UTP11: variants seen among roughly 807,000 people sequenced by gnomAD.
The protein encoded by UTP11 is UTP11 small subunit processome component.
In UTP11, 29 loss-of-function variants were observed where a neutral mutation model predicts 39.0. The observed-to-expected ratio is 0.74, with a 90% confidence interval of 0.55 to 1.01. The LOEUF (loss-of-function observed/expected upper bound fraction) is 1.01. UTP11 is among the 50% of genes least tolerant of loss of function. The probability of loss-of-function intolerance (pLI) is 0.00; values close to 1 mark genes in which losing one functional copy is unlikely to be tolerated. For missense variants in UTP11, 281 were observed against 306.0 expected (o/e 0.92, Z 0.61); for synonymous variants, 111 against 105.0 (o/e 1.06, Z -0.35).
intron 3 of UTP11, among the ~76,000 whole-genome samples, 191 bp from the exon 4 acceptor site, chr1:38,018,273 G>A (rs138533256): frequency 0.043 from 6,489 of 152,142 alleles, 184 homozygotes; most frequent in Middle Eastern, 0.071. Context: ...GTTTCACCAT[G>A]TTGGTCAGGC....
At chr1:38,015,475 A>C (rs999146586) in intron 1 of UTP11, among the ~76,000 whole-genome samples, 7 of 152,188 alleles carry the variant, frequency 4.6e-5, no homozygotes, top group African/African-American at 1.7e-4. Flanking sequence ...TCTTGGGCAT[A>C]TCATTCTCTA....
rs1557771443 is a variant in UTP11 at position 38,023,535 on chromosome 1, T to C, written c.679-10T>C. 7 of 1,605,748 alleles carry C rather than the reference T, an allele frequency of 4.4e-6. No homozygotes were observed. Among genetic ancestry groups the C allele is most frequent in the Non-Finnish European group, 5.9e-6 (7 of 1,176,956 alleles). The stretch of plus-strand genomic sequence containing the variant: ...TTCTCTTTACTGATCACCTTTTTAC[T>C]CTTTTGTAGGATAAAACTCAGAAAG... On this transcript the variant is annotated splice_polypyrimidine_tract_variant and intron_variant, in intron 7 of 7. Transcript: ENST00000373014.
chr1:38,022,705 G>A lies in UTP11; in HGVS notation c.574G>A (p.Ala192Thr). ...VTNQTGLKRI[A>T]KERQKQYNCL... ...GTGTGTGTTTCTTCTCCAGCGAATA[G>A]CTAAAGAAAGGCAAAAGCAGTATAA... Residue 192 changes from alanine to threonine, a missense_variant, in exon 7 of 8, where the codon GCT becomes ACT. Coordinates refer to ENST00000373014, the MANE Select transcript of UTP11 (RefSeq NM_016037.4). 3.1e-6 allele frequency: 5 copies of A among 1,612,542 alleles called. No individual in the cohort carries two copies. The highest frequency in any genetic ancestry group is 4.2e-6 in the Non-Finnish European group (5 of 1,178,710).
intron 1 of UTP11, among the ~76,000 whole-genome samples, chr1:38,014,227 G>GGCTTTCAGAGCT (rs1477953282): frequency 1.3e-5 from 2 of 152,214 alleles, no homozygotes; most frequent in Non-Finnish European, 1.5e-5. Context: ...GAAGACAGAG[G>GGCTTTCAGAGCT]GCTTTCAGAG....
chr1:38,019,441 TTG>T, intron 6 of UTP11, 58 bp downstream of exon 6: 9 of 1,372,662 alleles, frequency 6.6e-6, no homozygotes, highest in South Asian at 1.8e-5. Flanking sequence ...TGTTTTTTTT[TTG>T]TTTTTTTTTT....
Position 38,019,104 on chromosome 1 carries a change from G to A in UTP11, c.388G>A (p.Gly130Arg), listed in dbSNP as rs1048049281. Residue 130 changes from glycine (G) to arginine (R), a missense_variant, in exon 5 of 8, where the codon GGG (glycine) becomes AGG (arginine). Physicochemically the swap from Gly to Arg is moderately radical, Grantham distance 125. Transcript: ENST00000373014. ...AGAGCTCCATCTGCTGGATTTCCAG[G>A]GGAAGCAACAGAACAAGCATGTGTT... ...KSELHLLDFQGKQQNKHVFFF... is the reference protein window; with the variant it reads ...KSELHLLDFQRKQQNKHVFFF... 4.3e-6 allele frequency: 7 copies of A among 1,613,930 alleles called. No individual in the cohort carries two copies. Among genetic ancestry groups the A allele is most frequent in the Non-Finnish European group, 5.1e-6 (6 of 1,179,976 alleles).
At chr1:38,013,274 CTG>C (rs750489742) in intron 1 of UTP11, among the ~76,000 whole-genome samples, 1 of 152,238 alleles carries the variant, frequency 6.6e-6, no homozygotes, top group African/African-American at 2.4e-5. Flanking sequence ...ACCGAAGAGA[CTG>C]TGGTTACTAA....
Position 38,018,525 on chromosome 1 carries a change from T to C in UTP11, c.290T>C (p.Met97Thr). 6.2e-7 allele frequency: 1 copy of C among 1,613,958 alleles called. No homozygotes were observed. Among genetic ancestry groups the C allele is most frequent in the Non-Finnish European group, 8.5e-7 (1 of 1,179,926 alleles). Residue 97 changes from methionine to threonine, a missense_variant, in exon 4 of 8, where the codon ATG (methionine) becomes ACG (threonine). By Grantham distance (81) the Met-to-Thr change is moderately conservative (BLOSUM62 -1). Transcript: ENST00000373014. ...GTAACCCCAGAACAACTAAAGCTGATGAGAACTCAGGACGTCAAATATATA... is the reference window on the plus strand; with the variant it reads ...GTAACCCCAGAACAACTAAAGCTGACGAGAACTCAGGACGTCAAATATATA... ...EEVTPEQLKL[M>T]RTQDVKYIEM...
At chr1:38,023,455 G>A in intron 7 of UTP11, 90 bp from the exon 8 acceptor site, 3 of 1,150,700 alleles carry the variant, frequency 2.6e-6, no homozygotes, top group East Asian at 4.8e-5. Flanking sequence ...GAGAAGGGCT[G>A]AAGCAGGTGC....
chr1:38,018,458 T>C lies in UTP11; in HGVS notation c.229-6T>C. On this transcript the variant is annotated splice_region_variant and splice_polypyrimidine_tract_variant and intron_variant, in intron 3 of 7. Coordinates refer to ENST00000373014, the MANE Select transcript of UTP11 (RefSeq NM_016037.4). ...AGGGAATATATCTTTTAAATTTGGATTTTAGGATGGAGTACATATTATTAA... is the reference window on the plus strand; with the variant it reads ...AGGGAATATATCTTTTAAATTTGGACTTTAGGATGGAGTACATATTATTAA... 6.3e-7 allele frequency: 1 copy of C among 1,591,380 alleles called. No individual in the cohort carries two copies. The highest frequency in any genetic ancestry group is 8.6e-7 in the Non-Finnish European group (1 of 1,165,254).
intron 1 of UTP11, among the ~76,000 whole-genome samples, chr1:38,014,891 A>G (rs1275966891): frequency 6.6e-6 from 1 of 152,066 alleles, no homozygotes; most frequent in Non-Finnish European, 1.5e-5. Context: ...TGATCTGCCC[A>G]CCTCAGCTTA....
intron 6 of UTP11, among the ~76,000 whole-genome samples, chr1:38,019,979 T>G (rs1646727417): frequency 6.6e-6 from 1 of 152,176 alleles, no homozygotes; most frequent in Non-Finnish European, 1.5e-5. Flanking sequence ...GCTTTGTGCT[T>G]TTAATACTTG....
Position 38,018,541 on chromosome 1 carries a change from CAA to C in UTP11, c.308_309del (p.Lys103IlefsTer11), listed in dbSNP as rs1646718747. On this transcript the variant is annotated frameshift_variant, in exon 4 of 8. Transcript: ENST00000373014. LOFTEE classifies it high-confidence loss of function. The stretch of plus-strand genomic sequence containing the variant: ...TAAAGCTGATGAGAACTCAGGACGT[CAA>C]ATATATAGAAATGAAGAGGGTTGCA... ...QLKLMRTQDV[K>X]YIEMKRVAEA... 6.2e-7 allele frequency: 1 copy of C among 1,613,680 alleles called. No homozygotes were observed. Among genetic ancestry groups the C allele is most frequent in the South Asian group, 1.1e-5 (1 of 91,008 alleles).
intron 1 of UTP11, among the ~76,000 whole-genome samples, chr1:38,014,113 T>C (rs1646693685): frequency 6.6e-6 from 1 of 152,228 alleles, no homozygotes; most frequent in Non-Finnish European, 1.5e-5. Context: ...CTGAAGTGGA[T>C]GTTACCCTCA....
In UTP11 at chr1:38,016,898, G is replaced by C. The variant is rs189208447; in HGVS notation, c.125+478G>C. The C allele has an allele frequency of 8.6e-4, 142 of 165,088 alleles. 1 individual carries two copies. The highest frequency in any genetic ancestry group is 2.6e-3 in the African/African-American group (108 of 41,706). The allele number at this position is 165,088 out of a possible 1,614,324, so 10.2% of individuals were successfully genotyped here. A position where few individuals can be genotyped will look rare whatever the true frequency, so the allele number is the denominator to read the frequency against. On this transcript the variant is annotated intron_variant, in intron 2 of 7. Transcript: ENST00000373014. The stretch of plus-strand genomic sequence containing the variant: ...TTATAAAACAATTATCCCCATTCTT[G>C]TTCTCTGTTAGCACTTTGTTTGCAA...
chr1:38,012,738 G>T lies in UTP11; in HGVS notation c.-65G>T, dbSNP rs959773140. ...GGCCTATTTCCGGTAGGAATCAGTG[G>T]ACTTGGCGGCAGAGGCAGTGCGGAT... On this transcript the variant is annotated 5_prime_UTR_variant, in exon 1 of 8. Coordinates refer to ENST00000373014, the MANE Select transcript of UTP11 (RefSeq NM_016037.4). 2 of 1,607,638 alleles carry T rather than the reference G, an allele frequency of 1.2e-6. No individual in the cohort carries two copies. The highest frequency in any genetic ancestry group is 1.7e-5 in the Admixed American group (1 of 59,996).
chr1:38,023,847 T>C lies in UTP11; in HGVS notation c.*219T>C. The C allele has an allele frequency of 3.0e-6, 1 of 338,388 alleles. No individual in the cohort carries two copies. The highest frequency in any genetic ancestry group is 7.0e-5 in the South Asian group (1 of 14,378). The allele number at this position is 338,388 out of a possible 1,614,324, so 21.0% of individuals were successfully genotyped here. On this transcript the variant is annotated 3_prime_UTR_variant, in exon 8 of 8. Transcript: ENST00000373014. Reference sequence around the variant, plus strand: ...ATTAGTCTTATTTTTATATACTTAATTTTTTTTTTCTTTGAGATAGGGTCT... The same window carrying C: ...ATTAGTCTTATTTTTATATACTTAACTTTTTTTTTCTTTGAGATAGGGTCT...
chr1:38,018,698 T>C (rs1646719632), intron 4 of UTP11, 121 bp downstream of exon 4: 3 of 821,998 alleles, frequency 3.6e-6, no homozygotes, highest in South Asian at 1.8e-5. Context: ...GTAATAATGA[T>C]TTAGAAGTAT....
chr1:38,017,885 C>A, intron 3 of UTP11, 115 bp downstream of exon 3: 1 of 906,028 alleles, frequency 1.1e-6, no homozygotes, highest in Non-Finnish European at 1.7e-6. Context: ...TCTGGTTACT[C>A]CAGGTGCTCT....
Sources: allele counts gnomAD v4.1 joint callset (sites outside exome capture counted in the v4.1 genomes callset), GRCh38; gene constraint gnomAD v4.1.1; transcripts MANE v1.5; gene names NCBI Gene and HGNC (gene_info 2026-07-23, HGNC 2026-07-21).